Variants in SPAG16 observed in about 807,000 individuals in gnomAD.
SPAG16 encodes the protein sperm-associated antigen 16 protein.
A neutral mutation model predicts 80.4 loss-of-function variants in SPAG16; 86 were observed. The ratio of observed to expected loss-of-function variants is 1.07; its 90% CI spans 0.90 to 1.28. The LOEUF (loss-of-function observed/expected upper bound fraction) is 1.28, where lower values mean the gene tolerates loss of function less well. SPAG16 is among the 50% of genes most tolerant of loss of function. The pLI is 0.00. For missense variants in SPAG16, 870 were observed against 765.3 expected (o/e 1.14, Z -1.61); for synonymous variants, 294 against 265.9 (o/e 1.11, Z -1.03).
intron 15 of SPAG16, among the ~76,000 whole-genome samples, chr2:214,167,079 A>G (rs1352217705): frequency 6.6e-6 from 1 of 152,158 alleles, no homozygotes; most frequent in Admixed American, 6.6e-5. Flanking sequence ...TACCTAATGG[A>G]AGTTAATAAA....
At chr2:213,496,009 A>G (rs949291847) in intron 10 of SPAG16, among the ~76,000 whole-genome samples, 4 of 152,196 alleles carry the variant, frequency 2.6e-5, no homozygotes, top group Non-Finnish European at 4.4e-5. Context: ...TGAGAATGTC[A>G]GGAAGGTATT....
intron 10 of SPAG16, among the ~76,000 whole-genome samples, chr2:213,729,130 G>A (rs1186772114): frequency 6.6e-6 from 1 of 152,044 alleles, no homozygotes; most frequent in Non-Finnish European, 1.5e-5. Context: ...TAGGCTTGAG[G>A]ATCTTTGTTA....
chr2:213,916,511 C>A (rs1341043663), intron 11 of SPAG16, among the ~76,000 whole-genome samples: 1 of 152,196 alleles, frequency 6.6e-6, no homozygotes, highest in Admixed American at 6.5e-5. Flanking sequence ...CTTTGGGTTA[C>A]TGTAGCCTTG....
At chr2:213,386,174 A>T (rs2067419721) in intron 9 of SPAG16, among the ~76,000 whole-genome samples, 1 of 152,142 alleles carries the variant, frequency 6.6e-6, no homozygotes, top group African/African-American at 2.4e-5. Flanking sequence ...ATGTCTTCCA[A>T]ACTCCCATTG....
intron 9 of SPAG16, among the ~76,000 whole-genome samples, chr2:213,421,416 G>T (rs1486348064): frequency 1.3e-5 from 2 of 152,218 alleles, no homozygotes; most frequent in East Asian, 3.9e-4. Context: ...GCTCAGGTCT[G>T]CAGGTGCCCC....
intron 15 of SPAG16, among the ~76,000 whole-genome samples, chr2:214,289,927 G>T (rs559508404): frequency 6.6e-6 from 1 of 152,226 alleles, no homozygotes; most frequent in South Asian, 2.1e-4. Context: ...GGTAATGCTA[G>T]CCTCATAGAA....
intron 10 of SPAG16, among the ~76,000 whole-genome samples, chr2:213,687,531 A>G (rs1284587799): frequency 6.6e-6 from 1 of 152,188 alleles, no homozygotes; most frequent in African/African-American, 2.4e-5. Context: ...CCAGGTTATA[A>G]AATTCTAGAT....
At chr2:213,991,569 C>T (rs916612166) in intron 12 of SPAG16, among the ~76,000 whole-genome samples, 6 of 152,084 alleles carry the variant, frequency 3.9e-5, no homozygotes, top group African/African-American at 9.7e-5. Flanking sequence ...CCTGGTGCTC[C>T]TGGACCCCCG....
intron 12 of SPAG16, among the ~76,000 whole-genome samples, chr2:213,970,211 T>G (rs551530268): frequency 1.1e-3 from 168 of 152,244 alleles, no homozygotes; most frequent in Non-Finnish European, 2.1e-3. Flanking sequence ...TTTCAGCCTG[T>G]AAATTTTGGG....
intron 10 of SPAG16, among the ~76,000 whole-genome samples, chr2:213,541,655 G>A (rs1418113018): frequency 6.6e-6 from 1 of 152,008 alleles, no homozygotes; most frequent in Non-Finnish European, 1.5e-5. Flanking sequence ...ATTGGAGGAG[G>A]TTTTGGCTAG....
intron 15 of SPAG16, among the ~76,000 whole-genome samples, chr2:214,388,896 A>T (rs939804008): frequency 3.3e-5 from 5 of 152,194 alleles, no homozygotes; most frequent in African/African-American, 1.2e-4. Flanking sequence ...GTATTAATAG[A>T]CTGTTCCCCA....
At chr2:213,357,110 G>C (rs2065701412) in intron 7 of SPAG16, among the ~76,000 whole-genome samples, 1 of 152,094 alleles carries the variant, frequency 6.6e-6, no homozygotes, top group South Asian at 2.1e-4. Context: ...TGTGGTCTGT[G>C]GTCTGAGAGA....
intron 13 of SPAG16, among the ~76,000 whole-genome samples, chr2:214,056,103 A>C (rs1256008682): frequency 1.3e-5 from 2 of 152,154 alleles, no homozygotes; most frequent in African/African-American, 4.8e-5. Flanking sequence ...AAGTAAAGAC[A>C]GGAAGCTTTG....
At chr2:213,701,881 C>G (rs564835248) in intron 10 of SPAG16, among the ~76,000 whole-genome samples, 2 of 152,072 alleles carry the variant, frequency 1.3e-5, no homozygotes, top group African/African-American at 2.4e-5. Context: ...AAGCAGCACT[C>G]TGTGTCTAGC....
At position 213,328,077 on chromosome 2, in the gene SPAG16, A is replaced by G. The variant is rs1183272377; in HGVS notation, c.536+10721A>G. 2.6e-5 allele frequency among the ~76,000 whole-genome samples: 4 copies of G among 152,138 alleles called. 1 individual carries two copies. Among genetic ancestry groups the G allele is most frequent in the African/African-American group, 7.2e-5 (3 of 41,442 alleles). The stretch of plus-strand genomic sequence containing the variant: ...TGCAATGAAGAATTTCCTATATTGA[A>G]TATGATATTATTATCATATTAGCAT... On this transcript the variant is annotated intron_variant, in intron 5 of 15. Transcript: ENST00000331683.
rs1433335273 is a variant in SPAG16, at chr2:213,739,538, T to C, written c.1071-122947T>C. ...ATTTAGTGGAGCATAGTTCAGCATATCATTTATGGAAAAAATTGTTTTGAC... is the reference window on the plus strand; with the variant it reads ...ATTTAGTGGAGCATAGTTCAGCATACCATTTATGGAAAAAATTGTTTTGAC... On this transcript the variant is annotated intron_variant, in intron 10 of 15. Coordinates refer to ENST00000331683, the MANE Select transcript of SPAG16 (RefSeq NM_024532.5). 2.6e-5 allele frequency among the ~76,000 whole-genome samples: 4 copies of C among 152,316 alleles called. No homozygotes were observed. The South Asian group carries it at 8.3e-4, about 32-fold the overall frequency.
intron 10 of SPAG16, among the ~76,000 whole-genome samples, chr2:213,771,242 G>A (rs1235771745): frequency 2.6e-5 from 4 of 151,976 alleles, no homozygotes; most frequent in Non-Finnish European, 5.9e-5. Context: ...TATGTTTGCT[G>A]GATGCATGAA....
At chr2:213,825,985 A>G (rs1366203119) in intron 10 of SPAG16, among the ~76,000 whole-genome samples, 1 of 151,804 alleles carries the variant, frequency 6.6e-6, no homozygotes, top group African/African-American at 2.4e-5. Context: ...TAATCTTGGT[A>G]GGTTGTATGT....
chr2:213,574,296 A>G (rs1032638678), intron 10 of SPAG16, among the ~76,000 whole-genome samples: 1 of 152,078 alleles, frequency 6.6e-6, no homozygotes, highest in Non-Finnish European at 1.5e-5. Context: ...TTGATGTTCT[A>G]TGTGAACTTA....
Sources: gnomAD v4.1 joint callset for allele counts (sites outside exome capture counted in the v4.1 genomes callset) on GRCh38, gnomAD v4.1.1 for gene constraint, MANE v1.5 for transcripts, NCBI Gene and HGNC (gene_info 2026-07-23, HGNC 2026-07-21) for gene names.